SNAP91: variants seen among roughly 807,000 people sequenced by gnomAD.
SNAP91 encodes the protein clathrin coat assembly protein AP180.
In SNAP91, 27 loss-of-function variants were observed where a neutral mutation model predicts 100.3. The observed-to-expected ratio is 0.27, with a 90% CI of 0.20 to 0.37. The LOEUF is 0.37. Among genes scored for constraint, SNAP91 ranks in the 10% least tolerant of loss-of-function variants. The pLI is 1.00. For missense variants in SNAP91, 986 were observed against 1,123.7 expected (o/e 0.88, Z 1.75); for synonymous variants, 404 against 398.6 (o/e 1.01, Z -0.16).
Position 83,597,372 on chromosome 6 carries a change from T to A in SNAP91, c.1325-2891A>T, listed in dbSNP as rs118049234. Among the ~76,000 whole-genome samples, 1,028 of 152,370 alleles carry A rather than the reference T, an allele frequency of 6.7e-3. 4 individuals carry two copies. The highest frequency in any genetic ancestry group is 0.011 in the Non-Finnish European group (740 of 68,034). On this transcript the variant is annotated intron_variant, in intron 16 of 29. Transcript: ENST00000369694. The stretch of plus-strand genomic sequence containing the variant: ...TGTTAAAAAATAAACAAAACTTTTT[T>A]AAATATCTAGTTTTTTTCATTATAA...
chr6:83,703,196 C>CA (rs1335224274), intron 2 of SNAP91, among the ~76,000 whole-genome samples: 1 of 142,362 alleles, frequency 7.0e-6, no homozygotes, highest in Non-Finnish European at 1.5e-5. Context: ...TAAATGAAAA[C>CA]AAAAATCAGA....
chr6:83,688,847 A>G (rs2099096088), intron 2 of SNAP91, among the ~76,000 whole-genome samples: 1 of 152,158 alleles, frequency 6.6e-6, no homozygotes. Context: ...CTTTCAAAAC[A>G]TATCAGTCAT....
intron 26 of SNAP91, among the ~76,000 whole-genome samples, chr6:83,563,420 A>C (rs531650485): frequency 6.6e-6 from 1 of 152,318 alleles, no homozygotes; most frequent in South Asian, 2.1e-4. Context: ...CACAGCTAAC[A>C]TCATACTTAG....
chr6:83,659,263 A>G (rs898817672), intron 5 of SNAP91, among the ~76,000 whole-genome samples, 171 bp from the exon 6 acceptor site: 2 of 151,978 alleles, frequency 1.3e-5, no homozygotes, highest in African/African-American at 4.8e-5. Flanking sequence ...TCTATTATCT[A>G]TTCTTATTCC....
chr6:83,556,146 A>T lies in SNAP91; in HGVS notation c.*7T>A, dbSNP rs1178098570. ...GGAAAAGCTCAATATTAGATACCTT[A>T]AATTGTTTACAAGAAATCCTTGATG... On this transcript the variant is annotated 3_prime_UTR_variant, in exon 29 of 30. Coordinates refer to ENST00000369694, the MANE Select transcript of SNAP91 (RefSeq NM_001242792.2). 2.6e-6 allele frequency: 4 copies of T among 1,531,486 alleles called. No homozygotes were observed. Among genetic ancestry groups the T allele is most frequent in the Non-Finnish European group, 3.5e-6 (4 of 1,127,918 alleles). 94.9% of individuals were successfully genotyped at this position (1,531,486 alleles called of 1,614,324 possible).
chr6:83,557,396 T>C (rs960892081), intron 28 of SNAP91, among the ~76,000 whole-genome samples: 4 of 152,200 alleles, frequency 2.6e-5, no homozygotes, highest in Admixed American at 6.6e-5. Flanking sequence ...CTGGGTGTGA[T>C]GGCTCACATC....
intron 16 of SNAP91, 153 bp from the exon 17 acceptor site, chr6:83,594,634 C>A: frequency 5.7e-6 from 3 of 525,368 alleles, no homozygotes; most frequent in South Asian, 2.8e-5. Flanking sequence ...TCGGTGGTCA[C>A]AAAACAATTA....
intron 8 of SNAP91, among the ~76,000 whole-genome samples, chr6:83,637,558 G>C (rs911407272): frequency 6.6e-6 from 1 of 152,172 alleles, no homozygotes; most frequent in African/African-American, 2.4e-5. Context: ...TCCAGTGTCT[G>C]CCCCAGGAGC....
chr6:83,658,514 T>C (rs2098460945), intron 6 of SNAP91, among the ~76,000 whole-genome samples: 1 of 151,530 alleles, frequency 6.6e-6, no homozygotes, highest in African/African-American at 2.4e-5. Flanking sequence ...GAGGCTGAGG[T>C]AGGAGAATGG....
rs532178441 is a variant in SNAP91 at position 83,690,309 on chromosome 6, C to A, written c.130+17489G>T. On this transcript the variant is annotated intron_variant, in intron 2 of 29. Coordinates refer to ENST00000369694, the MANE Select transcript of SNAP91 (RefSeq NM_001242792.2). ...AATGTAACATATTTCTGAAGTATTTCTCCTTTAGCACAACTTTTTAAAAGA... is the reference window on the plus strand; with the variant it reads ...AATGTAACATATTTCTGAAGTATTTATCCTTTAGCACAACTTTTTAAAAGA... 68 of 1,237,502 alleles carry A rather than the reference C, an allele frequency of 5.5e-5. No homozygotes were observed. The African/African-American group carries it at 1.0e-3, about 19-fold the overall frequency. The allele number at this position is 1,237,502 out of a possible 1,614,324, so 76.7% of individuals were successfully genotyped here.
At position 83,553,490 on chromosome 6, in the gene SNAP91, A is replaced by C. The variant is rs1343852535; in HGVS notation, c.*806T>G. On this transcript the variant is annotated 3_prime_UTR_variant, in exon 30 of 30. Coordinates refer to ENST00000369694, the MANE Select transcript of SNAP91 (RefSeq NM_001242792.2). ...ATAGCACCTCTCTAACCGCATTTTC[A>C]TGAACATGACACAAACAGACCCTTT... is the stretch of plus-strand genomic sequence containing the variant. The C allele has an allele frequency of 6.6e-6, 1 of 152,146 alleles. No individual in the cohort carries two copies. Among genetic ancestry groups the C allele is most frequent in the Non-Finnish European group, 1.5e-5 (1 of 68,020 alleles). 9.4% of individuals were successfully genotyped at this position (152,146 alleles called of 1,614,324 possible). A position where few individuals can be genotyped will look rare whatever the true frequency, so the allele number is the denominator to read the frequency against.
At chr6:83,697,286 A>G (rs900712181) in intron 2 of SNAP91, among the ~76,000 whole-genome samples, 10 of 151,068 alleles carry the variant, frequency 6.6e-5, no homozygotes, top group African/African-American at 2.2e-4. Context: ...TTGAAAAACA[A>G]TGCTGCCCAA....
chr6:83,623,230 T>C, intron 9 of SNAP91, 71 bp downstream of exon 9: 1 of 1,202,320 alleles, frequency 8.3e-7, no homozygotes, highest in Non-Finnish European at 1.2e-6. Context: ...TACAAGACTA[T>C]GCCCATTTGT....
chr6:83,676,427 G>A (rs769231478), intron 2 of SNAP91, among the ~76,000 whole-genome samples: 35 of 152,198 alleles, frequency 2.3e-4, no homozygotes, highest in African/African-American at 7.7e-4. Context: ...AATTTAAAGT[G>A]GTCTAAATGT....
At chr6:83,623,992 A>G (rs1443600907) in intron 8 of SNAP91, among the ~76,000 whole-genome samples, 1 of 152,134 alleles carries the variant, frequency 6.6e-6, no homozygotes, top group East Asian at 1.9e-4. Context: ...CTTGTCCTAT[A>G]TTTAATTAGT....
chr6:83,666,944 T>C (rs936133508), intron 2 of SNAP91, among the ~76,000 whole-genome samples: 1 of 152,070 alleles, frequency 6.6e-6, no homozygotes, highest in African/African-American at 2.4e-5. Context: ...TTCTACCATA[T>C]CACAGCTCCT....
At position 83,678,036 on chromosome 6, in the gene SNAP91, T is replaced by TTGGG. The variant is rs371032803; in HGVS notation, c.131-12459_131-12456dup. On this transcript the variant is annotated intron_variant, in intron 2 of 29. Transcript: ENST00000369694. ...GGAGATTTTAGAAGATATGAGCAGC[T>TTGGG]TGGGTTACTGATTTCCTGCTACTGC... Among the ~76,000 whole-genome samples the TTGGG allele has an allele frequency of 4.6e-3, 698 of 152,280 alleles. 6 individuals are homozygous for TTGGG. Among genetic ancestry groups the TTGGG allele is most frequent in the African/African-American group, 0.016 (670 of 41,554 alleles).
intron 8 of SNAP91, among the ~76,000 whole-genome samples, chr6:83,628,240 T>TATATATAC (rs1257759191): frequency 1.7e-4 from 25 of 147,898 alleles, no homozygotes; most frequent in African/African-American, 6.2e-4. Context: ...TATATATATA[T>TATATATAC]ATATATCACA....
Position 83,708,837 on chromosome 6 carries a change from G to A in SNAP91, c.-31+8C>T, listed in dbSNP as rs949202632. The A allele has an allele frequency of 3.9e-5, 6 of 152,126 alleles. No individual in the cohort carries two copies. Among genetic ancestry groups the A allele is most frequent in the African/African-American group, 9.6e-5 (4 of 41,528 alleles). 9.4% of individuals were successfully genotyped at this position (152,126 alleles called of 1,614,324 possible). Reference sequence around the variant, plus strand: ...GGGAGGGGGCCGAGTACGGCCGCGGGTACTCACCCCGCCCCTGAGCGGCGC... The same window carrying A: ...GGGAGGGGGCCGAGTACGGCCGCGGATACTCACCCCGCCCCTGAGCGGCGC... On this transcript the variant is annotated splice_region_variant and intron_variant, in intron 1 of 29. Transcript: ENST00000369694.
Sources: gnomAD v4.1 joint callset for allele counts (sites outside exome capture counted in the v4.1 genomes callset) on GRCh38, gnomAD v4.1.1 for gene constraint, MANE v1.5 for transcripts, NCBI Gene and HGNC (gene_info 2026-07-23, HGNC 2026-07-21) for gene names.